NOS1: variants seen among roughly 807,000 people sequenced by gnomAD.
NOS1 encodes the protein NOS type I.
NOS1 carries 51 observed loss-of-function variants against 164.5 expected under a neutral mutation model. The observed-to-expected ratio is 0.31, with a 90% CI of 0.25 to 0.39. The LOEUF (loss-of-function observed/expected upper bound fraction) is 0.39. NOS1 is among the 10% of genes least tolerant of loss of function. The pLI is 1.00. For missense variants in NOS1, 1,362 were observed against 1,885.6 expected (o/e 0.72, Z 5.14); for synonymous variants, 719 against 745.8 (o/e 0.96, Z 0.59).
intron 1 of NOS1, among the ~76,000 whole-genome samples, chr12:117,347,815 C>G (rs1376370012): frequency 6.6e-6 from 1 of 152,136 alleles, no homozygotes; most frequent in East Asian, 1.9e-4. Flanking sequence ...GCACTTTGCA[C>G]GATCATCTTG....
intron 1 of NOS1, among the ~76,000 whole-genome samples, chr12:117,342,194 C>T (rs1876144606): frequency 6.6e-6 from 1 of 152,010 alleles, no homozygotes; most frequent in South Asian, 2.1e-4. Flanking sequence ...CATTCATTTG[C>T]CTACTCATAC....
At chr12:117,224,457 T>A (rs530779016) in intron 25 of NOS1, among the ~76,000 whole-genome samples, 1 of 152,124 alleles carries the variant, frequency 6.6e-6, no homozygotes, top group Non-Finnish European at 1.5e-5. Context: ...GGCTAAATTT[T>A]GTATTTTTTA....
chr12:117,340,228 T>G (rs1017554366), intron 1 of NOS1, among the ~76,000 whole-genome samples: 2 of 152,154 alleles, frequency 1.3e-5, no homozygotes, highest in Non-Finnish European at 2.9e-5. Context: ...GGTCTCAAAC[T>G]CCCGGCCTCA....
At position 117,213,794 on chromosome 12, in the gene NOS1, C is replaced by G; in HGVS notation, c.*1515G>C. On this transcript the variant is annotated 3_prime_UTR_variant, in exon 29 of 29. Coordinates refer to ENST00000317775, the MANE Select transcript of NOS1 (RefSeq NM_000620.5). ...GCAGTCTGGGAGGCCACTAGGATTT[C>G]TTGTCTCTTTCTGGGAACTGCCTGA... The G allele has an allele frequency of 1.0e-6, 1 of 985,370 alleles. No individual in the cohort carries two copies. The highest frequency in any genetic ancestry group is 1.2e-6 in the Non-Finnish European group (1 of 829,932). The allele number at this position is 985,370 out of a possible 1,614,324, so 61.0% of individuals were successfully genotyped here. A position where few individuals can be genotyped will look rare whatever the true frequency, so the allele number is the denominator to read the frequency against.
chr12:117,324,715 C>CAAA lies in NOS1; in HGVS notation c.725+5629_725+5630insTTT, dbSNP rs1555260717. On this transcript the variant is annotated intron_variant, in intron 2 of 28. Coordinates refer to ENST00000317775, the MANE Select transcript of NOS1 (RefSeq NM_000620.5). The stretch of plus-strand genomic sequence containing the variant: ...TGGGCTACAGAGCAAGACTCTGTCT[C>CAAA]TAAATAAATAAATAAATAAATAAAG... 3.8e-3 allele frequency among the ~76,000 whole-genome samples: 561 copies of CAAA among 149,360 alleles called. 7 individuals carry two copies. The highest frequency in any genetic ancestry group is 0.013 in the African/African-American group (539 of 40,084).
rs975970269 is a variant in NOS1, at chr12:117,210,909, C to T, written c.*4400G>A. On this transcript the variant is annotated 3_prime_UTR_variant, in exon 29 of 29. Transcript: ENST00000317775. Reference sequence around the variant, plus strand: ...TCATCTTTTCCCTGAGCCTGCTCTTCAGAGACCTCTCTCTCAGCTAGGGGC... The same window carrying T: ...TCATCTTTTCCCTGAGCCTGCTCTTTAGAGACCTCTCTCTCAGCTAGGGGC... 2.0e-6 allele frequency: 2 copies of T among 985,196 alleles called. No homozygotes were observed. Among genetic ancestry groups the T allele is most frequent in the Admixed American group, 6.2e-5 (1 of 16,240 alleles). The allele number at this position is 985,196 out of a possible 1,614,324, so 61.0% of individuals were successfully genotyped here. A position where few individuals can be genotyped will look rare whatever the true frequency, so the allele number is the denominator to read the frequency against.
intron 21 of NOS1, among the ~76,000 whole-genome samples, chr12:117,232,931 G>A (rs952797047): frequency 4.0e-5 from 6 of 151,358 alleles, no homozygotes; most frequent in African/African-American, 7.3e-5. Flanking sequence ...GCAGTGGTGC[G>A]ATCACAACTC....
At chr12:117,269,715 C>T (rs1335841419) in intron 10 of NOS1, among the ~76,000 whole-genome samples, 1 of 152,104 alleles carries the variant, frequency 6.6e-6, no homozygotes, top group Non-Finnish European at 1.5e-5. Flanking sequence ...ATCCACCCAC[C>T]TCGGCCTCCC....
chr12:117,254,064 T>C lies in NOS1; in HGVS notation c.2532-310A>G, dbSNP rs563947833. 5.3e-5 allele frequency among the ~76,000 whole-genome samples: 8 copies of C among 152,044 alleles called. No individual in the cohort carries two copies. The South Asian group carries it at 1.7e-3, about 32-fold the overall frequency. On this transcript the variant is annotated intron_variant, in intron 16 of 28. Transcript: ENST00000317775. ...GTAAGAAGTCAGGAACAGAACTAAC[T>C]ACTCCCCTAAACCATGAGACCATGC...
At chr12:117,233,808 CAAAAAAAAAA>C (rs374050465) in intron 21 of NOS1, among the ~76,000 whole-genome samples, 2 of 57,088 alleles carry the variant, frequency 3.5e-5, no homozygotes, top group Non-Finnish European at 3.6e-5. Context: ...AAGTCTGTCT[CAAAAAAAAAA>C]AAAAAAAAAA....
At chr12:117,310,172 T>C (rs1177585687) in intron 3 of NOS1, among the ~76,000 whole-genome samples, 4 of 152,034 alleles carry the variant, frequency 2.6e-5, no homozygotes, top group African/African-American at 9.7e-5. Flanking sequence ...CCTTCCAAAG[T>C]GTTGGATTAC....
chr12:117,321,550 G>T (rs1403162542), intron 2 of NOS1, among the ~76,000 whole-genome samples: 1 of 152,196 alleles, frequency 6.6e-6, no homozygotes, highest in Non-Finnish European at 1.5e-5. Context: ...CAGGGACACA[G>T]ATGGGGAGAG....
At position 117,330,213 on chromosome 12, in the gene NOS1, GC is replaced by G. The variant is rs2136074201; in HGVS notation, c.725+131del. 1 of 1,374,226 alleles carries G rather than the reference GC, an allele frequency of 7.3e-7. No individual in the cohort carries two copies. Among genetic ancestry groups the G allele is most frequent in the East Asian group, 2.5e-5 (1 of 40,288 alleles). 85.1% of individuals were successfully genotyped at this position (1,374,226 alleles called of 1,614,324 possible). On this transcript the variant is annotated intron_variant, in intron 2 of 28. Coordinates refer to ENST00000317775, the MANE Select transcript of NOS1 (RefSeq NM_000620.5). This position sits in a 1 kb window ranked among gnomAD's most constrained non-coding sequence, Gnocchi z 4.6. The stretch of plus-strand genomic sequence containing the variant: ...ATCAAGGGGGCCGTCAAGTGGTTAT[GC>G]AAAAACAGGTATCTGAGACAGCCCA...
At chr12:117,348,114 C>A (rs1293778862) in intron 1 of NOS1, 1 of 151,512 alleles carries the variant, frequency 6.6e-6, no homozygotes, top group East Asian at 2.0e-4. Flanking sequence ...CTGGGAAGCC[C>A]CTGGAGGACA....
At chr12:117,352,062 A>G (rs1433769541) in intron 1 of NOS1, among the ~76,000 whole-genome samples, 1 of 152,076 alleles carries the variant, frequency 6.6e-6, no homozygotes, top group African/African-American at 2.4e-5. Flanking sequence ...AGTCCCAGCT[A>G]CTCAGGAGGC....
chr12:117,299,647 A>G (rs1216555749), intron 3 of NOS1, among the ~76,000 whole-genome samples: 1 of 143,934 alleles, frequency 6.9e-6, no homozygotes, highest in Non-Finnish European at 1.5e-5. Flanking sequence ...AAAAAAAAAA[A>G]AAGAAAAAAA....
chr12:117,285,957 T>C (rs1027956008), intron 6 of NOS1, 147 bp downstream of exon 6: 97 of 808,938 alleles, frequency 1.2e-4, no homozygotes, highest in Non-Finnish European at 1.8e-4. Context: ...GATCTTGGAA[T>C]GTGGGACCCC....
chr12:117,280,683 G>C (rs1222703130), intron 8 of NOS1, 42 bp downstream of exon 8: 3 of 1,594,828 alleles, frequency 1.9e-6, no homozygotes, highest in African/African-American at 2.7e-5. Flanking sequence ...GGGGACATAA[G>C]AGCCCATGTT....
chr12:117,209,937 C>T lies in NOS1; in HGVS notation c.*5372G>A, dbSNP rs1956501767. ...AGGCAGGCCCCTTCCCTCAGACCCT[C>T]AGACCTGTGTTTCCTTAATCCCAGC... On this transcript the variant is annotated 3_prime_UTR_variant, in exon 29 of 29. Coordinates refer to ENST00000317775, the MANE Select transcript of NOS1 (RefSeq NM_000620.5). 1 of 985,560 alleles carries T rather than the reference C, an allele frequency of 1.0e-6. No individual in the cohort carries two copies. Among genetic ancestry groups the T allele is most frequent in the Non-Finnish European group, 1.2e-6 (1 of 830,036 alleles). 61.1% of individuals were successfully genotyped at this position (985,560 alleles called of 1,614,324 possible). A position where few individuals can be genotyped will look rare whatever the true frequency, so the allele number is the denominator to read the frequency against.
Sources: gnomAD v4.1 joint callset for allele counts (sites outside exome capture counted in the v4.1 genomes callset) on GRCh38, gnomAD v4.1.1 for gene constraint, Gnocchi (gnomAD v3.1) non-coding constraint, MANE v1.5 for transcripts, NCBI Gene and HGNC (gene_info 2026-07-23, HGNC 2026-07-21) for gene names.